The following MYH13 variants were observed in gnomAD, a reference collection of about 807,000 sequenced individuals.
MYH13 encodes the protein myosin-13.
In MYH13, 177 loss-of-function variants were observed where a neutral mutation model predicts 232.1. That is an observed-to-expected ratio of 0.76 (90% CI 0.67 to 0.86). MYH13 has a LOEUF of 0.86. Ranked by LOEUF, MYH13 falls within the 40% of genes least tolerant of loss-of-function variation. The pLI is 0.00. For missense variants in MYH13, 2,246 were observed against 2,405.9 expected, an observed-to-expected ratio of 0.93 and a Z score of 1.39; for synonymous variants, 884 against 923.5, an observed-to-expected ratio of 0.96 and a Z score of 0.78.
At chr17:10,343,719 A>G (rs887998019) in intron 16 of MYH13, 81 bp downstream of exon 16, 17 of 1,404,230 alleles carry the variant, frequency 1.2e-5, no homozygotes, top group Non-Finnish European at 1.5e-5. Flanking sequence ...ATGTCTGATT[A>G]CTGGTTCTTC....
rs1469891086 is a variant in MYH13, at chr17:10,304,564, A to T, written c.5467-1066T>A. 6.6e-6 allele frequency among the ~76,000 whole-genome samples: 1 copy of T among 152,202 alleles called. No homozygotes were observed. Among genetic ancestry groups the T allele is most frequent in the Non-Finnish European group, 1.5e-5 (1 of 68,022 alleles). ...CAGATCAAGTAACTTGAACTTACAGATCAAGTAAGGCAGCAGGGATCACGA... is the reference window on the plus strand; with the variant it reads ...CAGATCAAGTAACTTGAACTTACAGTTCAAGTAAGGCAGCAGGGATCACGA... On this transcript the variant is annotated intron_variant, in intron 37 of 40. Transcript: ENST00000252172. This position sits in a 1 kb window ranked among gnomAD's most constrained non-coding sequence, Gnocchi z 5.3.
At position 10,322,258 on chromosome 17, in the gene MYH13, C is replaced by T. The variant is rs571364446; in HGVS notation, c.2935-550G>A. On this transcript the variant is annotated intron_variant, in intron 23 of 40. Coordinates refer to ENST00000252172, the MANE Select transcript of MYH13 (RefSeq NM_003802.3). ...ATACAAAAAAAAAAAATTAGCCAGG[C>T]ATGGTGGTGGGCACCTGTAGTCCCA... 5.3e-5 allele frequency among the ~76,000 whole-genome samples: 8 copies of T among 151,772 alleles called. No individual in the cohort carries two copies. In the East Asian group the frequency reaches 1.4e-3, roughly 26 times the overall value.
chr17:10,318,716 A>G (rs1488373215), intron 27 of MYH13, 74 bp downstream of exon 27: 26 of 1,585,894 alleles, frequency 1.6e-5, no homozygotes, highest in Non-Finnish European at 2.2e-5. Flanking sequence ...GGAGGCATCA[A>G]ATTACACGTG....
rs1906938371 is a variant in MYH13 at position 10,321,520 on chromosome 17, A to T, written c.3111+12T>A. On this transcript the variant is annotated intron_variant, in intron 24 of 40. Coordinates refer to ENST00000252172, the MANE Select transcript of MYH13 (RefSeq NM_003802.3). The stretch of plus-strand genomic sequence containing the variant: ...TGATAAATGCTAAAGCATAGTAGTA[A>T]AATATCCTCACATCATCTGTTTGCT... 6.2e-7 allele frequency: 1 copy of T among 1,609,070 alleles called. No homozygotes were observed. The highest frequency in any genetic ancestry group is 1.3e-5 in the African/African-American group (1 of 74,664).
chr17:10,314,894 C>G (rs768927556), intron 29 of MYH13, among the ~76,000 whole-genome samples: 1 of 152,176 alleles, frequency 6.6e-6, no homozygotes, highest in Non-Finnish European at 1.5e-5. Context: ...AACACAATAT[C>G]TAGACATTGA....
At chr17:10,346,937 C>T in intron 12 of MYH13, 139 bp from the exon 13 acceptor site, 1 of 628,920 alleles carries the variant, frequency 1.6e-6, no homozygotes, top group Non-Finnish European at 2.7e-6. Context: ...CAGGTCTGGA[C>T]TTGTTCACTG....
intron 16 of MYH13, among the ~76,000 whole-genome samples, chr17:10,341,727 G>C (rs2071621253): frequency 6.6e-6 from 1 of 152,164 alleles, no homozygotes; most frequent in Admixed American, 6.5e-5. Context: ...AGGGTCTTAT[G>C]TTAGAGTTGA....
Position 10,347,710 on chromosome 17 carries a change from TTC to T in MYH13, c.1145-914_1145-913del, listed in dbSNP as rs140793780. On this transcript the variant is annotated intron_variant, in intron 12 of 40. Coordinates refer to ENST00000252172, the MANE Select transcript of MYH13 (RefSeq NM_003802.3). ...AGAAATGCTGCTCCCCAGGGACTAC[TTC>T]TTTTTTTTTTTTTTTTTTTTTTTGG... Among the ~76,000 whole-genome samples, 3 of 125,426 alleles carry T rather than the reference TTC, an allele frequency of 2.4e-5. 1 individual carries two copies. The highest frequency in any genetic ancestry group is 2.8e-4 in the South Asian group (1 of 3,582). The allele number at this position is 125,426 out of a possible 152,430, so 82.3% of individuals were successfully genotyped here.
chr17:10,315,844 TACTG>T, intron 28 of MYH13, 33 bp from the exon 29 acceptor site: 1 of 1,613,926 alleles, frequency 6.2e-7, no homozygotes, highest in Non-Finnish European at 8.5e-7. Context: ...ACGTCAGTGT[TACTG>T]ACCACCCTCT....
In MYH13 at chr17:10,360,207, G is replaced by A; in HGVS notation, c.506-19C>T. ...TCTCGATCTAGAAATGCAGAGGGAA[G>A]CAAAACAAAACAAATAAACAACAAA... On this transcript the variant is annotated intron_variant, in intron 5 of 40. Coordinates refer to ENST00000252172, the MANE Select transcript of MYH13 (RefSeq NM_003802.3). 2.5e-6 allele frequency: 4 copies of A among 1,610,592 alleles called. No individual in the cohort carries two copies. Among genetic ancestry groups the A allele is most frequent in the Non-Finnish European group, 3.4e-6 (4 of 1,178,100 alleles).
At chr17:10,362,964 T>C (rs12948936) in intron 3 of MYH13, among the ~76,000 whole-genome samples, 44,648 of 141,438 alleles carry the variant, frequency 0.32, 6,893 homozygotes, top group Non-Finnish European at 0.38. Flanking sequence ...AGCTCAGCTC[T>C]AGCACCAACT....
chr17:10,311,774 T>C, intron 32 of MYH13, 137 bp downstream of exon 32: 1 of 1,017,418 alleles, frequency 9.8e-7, no homozygotes, highest in Non-Finnish European at 1.4e-6. Flanking sequence ...GCAAACTGAG[T>C]CAATGTGAGG....
intron 18 of MYH13, among the ~76,000 whole-genome samples, chr17:10,335,696 A>T (rs564693435): frequency 6.6e-6 from 1 of 152,224 alleles, no homozygotes; most frequent in South Asian, 2.1e-4. Context: ...CAGAGGTTGC[A>T]GTGAGCTGAG....
At chr17:10,330,723 A>G (rs995140602) in intron 20 of MYH13, among the ~76,000 whole-genome samples, 200 bp from the exon 21 acceptor site, 1 of 151,890 alleles carries the variant, frequency 6.6e-6, no homozygotes, top group Non-Finnish European at 1.5e-5. Flanking sequence ...AGCCTGGTCC[A>G]GAGTCTGTTC....
chr17:10,309,659 G>A lies in MYH13; in HGVS notation c.4828C>T (p.Arg1610Cys), dbSNP rs1597883718. 1 of 1,611,012 alleles carries A rather than the reference G, an allele frequency of 6.2e-7. No individual in the cohort carries two copies. Among genetic ancestry groups the A allele is most frequent in the Non-Finnish European group, 8.5e-7 (1 of 1,178,604 alleles). Reference sequence around the variant, plus strand: ...AGCCTCAGGGCGTCGTTCCGGCTGCGGATTTCAGCATCCAGCACGCTCTGC... The same window carrying A: ...AGCCTCAGGGCGTCGTTCCGGCTGCAGATTTCAGCATCCAGCACGCTCTGC... ...ALQSVLDAEI[R>C]SRNDALRLKK... The change falls in exon 34 of 41, where the codon CGC becomes TGC. Residue 1610 changes from arginine to cysteine, a missense_variant. Transcript: ENST00000252172.
rs143077835 is a variant in MYH13 at position 10,311,732 on chromosome 17, G to A, written c.4531+179C>T. On this transcript the variant is annotated intron_variant, in intron 32 of 40. Coordinates refer to ENST00000252172, the MANE Select transcript of MYH13 (RefSeq NM_003802.3). ...TCAAAAATGAGACTTAGCTGCTGCCGTGCCTTACATTAAAAAGGTCTGGGC... is the reference window on the plus strand; with the variant it reads ...TCAAAAATGAGACTTAGCTGCTGCCATGCCTTACATTAAAAAGGTCTGGGC... Among the ~76,000 whole-genome samples the A allele has an allele frequency of 6.4e-3, 978 of 152,300 alleles. 14 individuals are homozygous for A. Among genetic ancestry groups the A allele is most frequent in the African/African-American group, 0.022 (923 of 41,580 alleles).
chr17:10,323,787 A>AAAGAAGAAGAAGAAGAAGAAGAAGAAG (rs571033999), intron 23 of MYH13, among the ~76,000 whole-genome samples: 22 of 66,736 alleles, frequency 3.3e-4, no homozygotes, highest in South Asian at 1.2e-3. Context: ...AAAAAAAAAA[A>AAAGAAGAAGAAGAAGAAGAAGAAGAAG]AAGAAGAAGA....
In MYH13 at chr17:10,345,600, C is replaced by G. The variant is rs780904779; in HGVS notation, c.1280G>C (p.Gly427Ala). The change falls in exon 14 of 41, where the codon GGT (glycine) becomes GCT (alanine). Residue 427 changes from glycine (G) to alanine (A), a missense_variant. Coordinates refer to ENST00000252172, the MANE Select transcript of MYH13 (RefSeq NM_003802.3). ...QNVQQVTNSVGALAKAVYEKM... is the reference protein window; with the variant it reads ...QNVQQVTNSVAALAKAVYEKM... ...CTCGTAGACGGCTTTGGCCAGAGCACCCACCGAATTGGTCACCTTGAAAAA... is the reference window on the plus strand; with the variant it reads ...CTCGTAGACGGCTTTGGCCAGAGCAGCCACCGAATTGGTCACCTTGAAAAA... The G allele has an allele frequency of 6.2e-7, 1 of 1,614,090 alleles. No individual in the cohort carries two copies.
Position 10,320,316 on chromosome 17 carries a change from G to A in MYH13, c.3257+35C>T, listed in dbSNP as rs1413673064. The A allele has an allele frequency of 3.7e-6, 6 of 1,609,428 alleles. No individual in the cohort carries two copies. The Admixed American group carries it at 8.4e-5, about 23-fold the overall frequency. Reference sequence around the variant, plus strand: ...TGGAGGGGGTGAAAGTTGGCTTTTAGGCTGAGACACAGAGGTGGTAAAAGA... The same window carrying A: ...TGGAGGGGGTGAAAGTTGGCTTTTAAGCTGAGACACAGAGGTGGTAAAAGA... On this transcript the variant is annotated intron_variant, in intron 25 of 40. Coordinates refer to ENST00000252172, the MANE Select transcript of MYH13 (RefSeq NM_003802.3).
Sources: gnomAD v4.1 joint callset for allele counts (sites outside exome capture counted in the v4.1 genomes callset) on GRCh38, gnomAD v4.1.1 for gene constraint, Gnocchi (gnomAD v3.1) non-coding constraint, MANE v1.5 for transcripts, NCBI Gene and HGNC (gene_info 2026-07-23, HGNC 2026-07-21) for gene names.